Variants in AKR7A2 observed in about 807,000 individuals in gnomAD.
AKR7A2 encodes the protein aldo-keto reductase family 7 member A2.
A neutral mutation model predicts 37.3 loss-of-function variants in AKR7A2; 29 were observed. That is an observed-to-expected ratio of 0.78 (90% CI 0.58 to 1.06). The LOEUF is 1.06. Among genes scored for constraint, AKR7A2 ranks in the 50% least tolerant of loss-of-function variants. AKR7A2 has a pLI of 0.00. For synonymous variants in AKR7A2, 228 were observed against 217.8 expected (o/e 1.05, Z -0.41); for missense variants, 529 against 497.9 (o/e 1.06, Z -0.59).
At chr1:19,311,675 G>A (rs2093776160) in intron 1 of AKR7A2, 152 bp downstream of exon 1, 2 of 938,070 alleles carry the variant, frequency 2.1e-6, no homozygotes, top group African/African-American at 1.6e-5. Flanking sequence ...TAGTTGTCCC[G>A]GGGTTCCCAG....
intron 3 of AKR7A2, 27 bp downstream of exon 3, chr1:19,308,131 C>G (rs1012232144): frequency 2.5e-6 from 4 of 1,613,732 alleles, no homozygotes; most frequent in Non-Finnish European, 2.5e-6. Flanking sequence ...TCCTGGAGAC[C>G]TTGGCCTCTG....
chr1:19,311,939 G>C lies in AKR7A2; in HGVS notation c.186C>G (p.Ala62=). Reference sequence around the variant, plus strand: ...GTTCGGTGTGGCCGCGCTCCAGAAAGGCGCGCACGGCCGCGGCGCTGGCGG... The same window carrying C: ...GTTCGGTGTGGCCGCGCTCCAGAAACGCGCGCACGGCCGCGGCGCTGGCGG... ...DAPASAAAVR[A]FLERGHTELD... The change falls in exon 1 of 7, where the codon GCC becomes GCG. Residue 62 remains alanine, a synonymous_variant. Coordinates refer to ENST00000235835, the MANE Select transcript of AKR7A2 (RefSeq NM_003689.4). The C allele has an allele frequency of 6.2e-7, 1 of 1,601,788 alleles. No homozygotes were observed. Among genetic ancestry groups the C allele is most frequent in the Non-Finnish European group, 8.5e-7 (1 of 1,175,284 alleles).
rs529808242 is a variant in AKR7A2 at position 19,311,136 on chromosome 1, T to TCTCC, written c.298+687_298+690dup. On this transcript the variant is annotated intron_variant, in intron 1 of 6. Coordinates refer to ENST00000235835, the MANE Select transcript of AKR7A2 (RefSeq NM_003689.4). ...CATTTGCTGAGCCTTCCCTAGTGCC[T>TCTCC]CTCCCCGGCCTGCAGCTCCCTAAAG... is the stretch of plus-strand genomic sequence containing the variant. 1.4e-3 allele frequency among the ~76,000 whole-genome samples: 213 copies of TCTCC among 152,282 alleles called. 1 individual carries two copies. Among genetic ancestry groups the TCTCC allele is most frequent in the African/African-American group, 5.1e-3 (210 of 41,560 alleles).
chr1:19,311,721 C>T lies in AKR7A2; in HGVS notation c.298+106G>A, dbSNP rs1024737459. On this transcript the variant is annotated intron_variant, in intron 1 of 6. Transcript: ENST00000235835. Reference sequence around the variant, plus strand: ...TGGACCTGGGGTGGGGAGCGAGGGACGAATCCGTCGGTGCTGCCCGCGGCC... The same window carrying T: ...TGGACCTGGGGTGGGGAGCGAGGGATGAATCCGTCGGTGCTGCCCGCGGCC... The T allele has an allele frequency of 5.6e-6, 8 of 1,436,206 alleles. No homozygotes were observed. The African/African-American group carries it at 9.8e-5, about 18-fold the overall frequency. 89.0% of individuals were successfully genotyped at this position (1,436,206 alleles called of 1,614,324 possible). A position where few individuals can be genotyped will look rare whatever the true frequency, so the allele number is the denominator to read the frequency against.
chr1:19,306,827 CA>C (rs1250645577), intron 5 of AKR7A2, among the ~76,000 whole-genome samples, 174 bp downstream of exon 5: 1 of 152,186 alleles, frequency 6.6e-6, no homozygotes, highest in African/African-American at 2.4e-5. Flanking sequence ...ATTTCCCCCC[CA>C]GAGGTCTCAA....
chr1:19,307,853 T>A, intron 3 of AKR7A2: 1 of 533,942 alleles, frequency 1.9e-6, no homozygotes, highest in Non-Finnish European at 3.4e-6. Context: ...GGAGGAGACC[T>A]CTATGTAAGG....
At chr1:19,303,762 G>A (rs553496813), downstream of AKR7A2, among the ~76,000 whole-genome samples, 6 of 152,230 alleles carry the variant, frequency 3.9e-5, no homozygotes, top group South Asian at 2.1e-4. Flanking sequence ...CTTTTCTATC[G>A]TGTGTAGAAG....
chr1:19,308,739 T>C, intron 1 of AKR7A2, 97 bp from the exon 2 acceptor site: 1 of 1,208,680 alleles, frequency 8.3e-7, no homozygotes, highest in Non-Finnish European at 1.2e-6. Context: ...GCCTCAATTG[T>C]ATGATCTGTA....
chr1:19,304,564 C>T (rs757885282), intron 6 of AKR7A2, among the ~76,000 whole-genome samples, 178 bp from the exon 7 acceptor site: 1 of 152,104 alleles, frequency 6.6e-6, no homozygotes, highest in Non-Finnish European at 1.5e-5. Flanking sequence ...AAACCCGCAT[C>T]CTTTCCCCTA....
At chr1:19,305,008 A>G in intron 6 of AKR7A2, 1 of 160,442 alleles carries the variant, frequency 6.2e-6, no homozygotes, top group Admixed American at 5.8e-5. Context: ...TTTCAAACAA[A>G]AATATTTTTC....
At chr1:19,311,757 G>T in intron 1 of AKR7A2, 70 bp downstream of exon 1, 45 of 1,590,372 alleles carry the variant, frequency 2.8e-5, no homozygotes, top group Middle Eastern at 4.5e-4. Flanking sequence ...GGGCCCGAGC[G>T]GGGTGGTGCA....
Position 19,304,178 on chromosome 1 carries a change from C to A in AKR7A2, c.*47G>T, listed in dbSNP as rs113185651. On this transcript the variant is annotated 3_prime_UTR_variant, in exon 7 of 7. Transcript: ENST00000235835. ...GCCAAGACTGGTCAGTGTGAGAGAA[C>A]AAAAGAGGTGACAGAAAAGCCTTGG... The A allele has an allele frequency of 6.2e-7, 1 of 1,614,108 alleles. No homozygotes were observed. The highest frequency in any genetic ancestry group is 8.5e-7 in the Non-Finnish European group (1 of 1,179,980).
Position 19,306,157 on chromosome 1 carries a change from G to C in AKR7A2, c.789-10C>G. The C allele has an allele frequency of 1.2e-6, 2 of 1,614,186 alleles. No homozygotes were observed. Among genetic ancestry groups the C allele is most frequent in the South Asian group, 2.2e-5 (2 of 91,086 alleles). ...GTGCTCCTTCCAGAAGCTGTGCAGA[G>C]GGGATGTTAGCACAGGGGTCAGTAC... On this transcript the variant is annotated splice_polypyrimidine_tract_variant and intron_variant, in intron 5 of 6. Coordinates refer to ENST00000235835, the MANE Select transcript of AKR7A2 (RefSeq NM_003689.4).
rs1223364119 is a variant in AKR7A2, at chr1:19,304,536, C to A, written c.919-150G>T. On this transcript the variant is annotated intron_variant, in intron 6 of 6. Transcript: ENST00000235835. ...AAAGGACTTAAGGTGCCTTGGATAG[C>A]TGTACCCACGTGACTTGAAACCCGC... The A allele has an allele frequency of 1.3e-5, 18 of 1,367,912 alleles. No homozygotes were observed. In the East Asian group the frequency reaches 4.2e-4, roughly 32 times the overall value. 84.7% of individuals were successfully genotyped at this position (1,367,912 alleles called of 1,614,324 possible). A position where few individuals can be genotyped will look rare whatever the true frequency, so the allele number is the denominator to read the frequency against.
chr1:19,311,158 A>G (rs368675189), intron 1 of AKR7A2, among the ~76,000 whole-genome samples: 19 of 152,126 alleles, frequency 1.2e-4, no homozygotes, highest in African/African-American at 3.6e-4. Flanking sequence ...GCAGCTCCCT[A>G]AAGTACTCTC....
intron 1 of AKR7A2, among the ~76,000 whole-genome samples, chr1:19,309,533 T>C (rs1428874025): frequency 6.6e-6 from 1 of 152,180 alleles, no homozygotes; most frequent in Non-Finnish European, 1.5e-5. Flanking sequence ...ATCCAAACAC[T>C]GTAGGGACAC....
chr1:19,310,382 G>A (rs1291116046), intron 1 of AKR7A2, among the ~76,000 whole-genome samples: 1 of 152,108 alleles, frequency 6.6e-6, no homozygotes, highest in Non-Finnish European at 1.5e-5. Context: ...ACCAACTCAG[G>A]AACAAAATCT....
Position 19,304,378 on chromosome 1 carries a change from G to A in AKR7A2, c.927C>T (p.His309=), listed in dbSNP as rs201691497. ...ACATGCCCAGGATGACCGCGTCCCCGTGGGCACCCTGCAAGGGAGACGGCC... is the reference window on the plus strand; with the variant it reads ...ACATGCCCAGGATGACCGCGTCCCCATGGGCACCCTGCAAGGGAGACGGCC... ...MYHHSQLQGA[H]GDAVILGMSS... The change falls in exon 7 of 7, where the codon CAC becomes CAT. Residue 309 remains histidine (H), a synonymous_variant. Transcript: ENST00000235835. The A allele has an allele frequency of 4.7e-5, 76 of 1,614,010 alleles. No homozygotes were observed. In the East Asian group the frequency reaches 1.4e-3, roughly 29 times the overall value.
intron 1 of AKR7A2, 96 bp from the exon 2 acceptor site, chr1:19,308,738 G>T: frequency 8.2e-7 from 1 of 1,212,864 alleles, no homozygotes; most frequent in South Asian, 1.3e-5. Flanking sequence ...GGCCTCAATT[G>T]TATGATCTGT....
Sources: gnomAD v4.1 joint callset for allele counts (sites outside exome capture counted in the v4.1 genomes callset) on GRCh38, gnomAD v4.1.1 for gene constraint, MANE v1.5 for transcripts, NCBI Gene and HGNC (gene_info 2026-07-23, HGNC 2026-07-21) for gene names.